The following CDK5RAP1 variants were observed in gnomAD, a reference collection of about 807,000 sequenced individuals.
The protein encoded by CDK5RAP1 is mitochondrial tRNA methylthiotransferase CDK5RAP1.
CDK5RAP1 carries 62 observed loss-of-function variants against 64.5 expected under a neutral mutation model. That is an observed-to-expected ratio of 0.96 (90% CI 0.78 to 1.19). The LOEUF (loss-of-function observed/expected upper bound fraction) is 1.19. Among genes scored for constraint, CDK5RAP1 ranks in the 50% most tolerant of loss-of-function variants. The probability of loss-of-function intolerance (pLI) is 0.00; values close to 1 mark genes in which losing one functional copy is unlikely to be tolerated. For synonymous variants in CDK5RAP1, 250 were observed against 261.9 expected (o/e 0.95, Z 0.44); for missense variants, 657 against 735.0 (o/e 0.89, Z 1.23).
In CDK5RAP1 at chr20:33,359,007, G is replaced by A. The variant is rs1238663411; in HGVS notation, c.*36C>T. On this transcript the variant is annotated 3_prime_UTR_variant, in exon 14 of 14. Transcript: ENST00000346416. ...AATGTCTCCCCTTCCTGTTGGGGAGGATTGCCCAAGTCAGCTCTGAGGCCA... is the reference window on the plus strand; with the variant it reads ...AATGTCTCCCCTTCCTGTTGGGGAGAATTGCCCAAGTCAGCTCTGAGGCCA... 4.1e-6 allele frequency: 6 copies of A among 1,461,472 alleles called. No homozygotes were observed. The highest frequency in any genetic ancestry group is 4.8e-6 in the Non-Finnish European group (5 of 1,043,598). The allele number at this position is 1,461,472 out of a possible 1,614,324, so 90.5% of individuals were successfully genotyped here.
chr20:33,383,994 C>A (rs756836661), intron 7 of CDK5RAP1, among the ~76,000 whole-genome samples: 4 of 152,106 alleles, frequency 2.6e-5, no homozygotes, highest in Non-Finnish European at 4.4e-5. Context: ...ACTATTCCCT[C>A]TTTTCAGTAT....
At chr20:33,377,409 T>A in intron 8 of CDK5RAP1, among the ~76,000 whole-genome samples, 1 of 152,178 alleles carries the variant, frequency 6.6e-6, no homozygotes, top group East Asian at 1.9e-4. Context: ...CCCCTTGCAC[T>A]TTGATGTTAG....
chr20:33,388,593 T>C lies in CDK5RAP1; in HGVS notation c.545-1060A>G, dbSNP rs370768663. Among the ~76,000 whole-genome samples, 3 of 113,598 alleles carry C rather than the reference T, an allele frequency of 2.6e-5. No individual in the cohort carries two copies. The East Asian group carries it at 9.6e-4, about 36-fold the overall frequency. 74.5% of individuals were successfully genotyped at this position (113,598 alleles called of 152,430 possible). On this transcript the variant is annotated intron_variant, in intron 5 of 13. Coordinates refer to ENST00000346416, the MANE Select transcript of CDK5RAP1 (RefSeq NM_016408.4). ...CTCTCCCCCTCTCCCTCTCTCCTTCTCCCTCTCCCCACAGTCTCCGTCTCC... is the reference window on the plus strand; with the variant it reads ...CTCTCCCCCTCTCCCTCTCTCCTTCCCCCTCTCCCCACAGTCTCCGTCTCC...
intron 7 of CDK5RAP1, among the ~76,000 whole-genome samples, chr20:33,385,025 C>A (rs544028635): frequency 6.6e-6 from 1 of 152,308 alleles, no homozygotes; most frequent in East Asian, 1.9e-4. Context: ...ATATTCCCAC[C>A]TATTGTCCTC....
At chr20:33,385,925 AG>A (rs1987374116) in intron 6 of CDK5RAP1, among the ~76,000 whole-genome samples, 155 bp from the exon 7 acceptor site, 1 of 152,234 alleles carries the variant, frequency 6.6e-6, no homozygotes. Flanking sequence ...GCACTAAAGT[AG>A]ACCTTTTTTA....
Position 33,401,410 on chromosome 20 carries a change from G to A in CDK5RAP1, c.-21+18C>T. 1 of 985,454 alleles carries A rather than the reference G, an allele frequency of 1.0e-6. No individual in the cohort carries two copies. The highest frequency in any genetic ancestry group is 4.7e-5 in the South Asian group (1 of 21,282). The allele number at this position is 985,454 out of a possible 1,614,324, so 61.0% of individuals were successfully genotyped here. On this transcript the variant is annotated intron_variant, in intron 1 of 13. Coordinates refer to ENST00000346416, the MANE Select transcript of CDK5RAP1 (RefSeq NM_016408.4). ...CAAAAGCGGGTGCGCAGCCCACCCC[G>A]GCGGCCGCGCTGCTCACCTCCCGCA...
chr20:33,372,391 T>C (rs181715205), intron 10 of CDK5RAP1, among the ~76,000 whole-genome samples: 14 of 151,752 alleles, frequency 9.2e-5, no homozygotes, highest in Admixed American at 4.6e-4. Flanking sequence ...ACAAAGACCA[T>C]AGAAAAGGAA....
chr20:33,395,417 G>A (rs550655013), intron 2 of CDK5RAP1, among the ~76,000 whole-genome samples: 7 of 152,024 alleles, frequency 4.6e-5, no homozygotes, highest in Non-Finnish European at 8.8e-5. Flanking sequence ...AGACCAGCCA[G>A]GGCAACATAG....
At chr20:33,387,652 A>G (rs1273269492) in intron 5 of CDK5RAP1, 119 bp from the exon 6 acceptor site, 18 of 718,026 alleles carry the variant, frequency 2.5e-5, no homozygotes, top group Non-Finnish European at 4.0e-5. Context: ...AACTTCTCTA[A>G]GAATTGAGTA....
chr20:33,372,740 CTTTT>C lies in CDK5RAP1; in HGVS notation c.1206-47_1206-44del, dbSNP rs777869384. The C allele has an allele frequency of 3.1e-6, 4 of 1,282,372 alleles. No individual in the cohort carries two copies. In the South Asian group the frequency reaches 4.9e-5, roughly 16 times the overall value. 79.4% of individuals were successfully genotyped at this position (1,282,372 alleles called of 1,614,324 possible). A position where few individuals can be genotyped will look rare whatever the true frequency, so the allele number is the denominator to read the frequency against. On this transcript the variant is annotated intron_variant, in intron 9 of 13. Transcript: ENST00000346416. ...AGGAAAAGGCCTACATAAATCCAACCTTTTTAAATGAATGCTATAAAAAGATAAC... is the reference window on the plus strand; with the variant it reads ...AGGAAAAGGCCTACATAAATCCAACCTAAATGAATGCTATAAAAAGATAAC...
Position 33,374,030 on chromosome 20 carries a change from C to T in CDK5RAP1, c.1205+85G>A, listed in dbSNP as rs2146627421. ...CAGCTACTTTGTGCCACACACTATGCTAGGTTCTTGGCAACAAGGACACTG... is the reference window on the plus strand; with the variant it reads ...CAGCTACTTTGTGCCACACACTATGTTAGGTTCTTGGCAACAAGGACACTG... On this transcript the variant is annotated intron_variant, in intron 9 of 13. Transcript: ENST00000346416. 4 of 909,534 alleles carry T rather than the reference C, an allele frequency of 4.4e-6. No individual in the cohort carries two copies. In the East Asian group the frequency reaches 9.6e-5, roughly 22 times the overall value. 56.3% of individuals were successfully genotyped at this position (909,534 alleles called of 1,614,324 possible).
At chr20:33,361,784 C>T (rs887895764) in intron 12 of CDK5RAP1, among the ~76,000 whole-genome samples, 6 of 151,818 alleles carry the variant, frequency 4.0e-5, no homozygotes, top group Admixed American at 6.6e-5. Flanking sequence ...GGCGAAACCC[C>T]GTCTCTACTG....
chr20:33,362,997 C>T (rs1983215291), intron 12 of CDK5RAP1, among the ~76,000 whole-genome samples: 1 of 152,174 alleles, frequency 6.6e-6, no homozygotes, highest in South Asian at 2.1e-4. Flanking sequence ...ACTTTACAGT[C>T]AAGAAGGCTG....
At chr20:33,367,560 T>C (rs2146599069) in intron 11 of CDK5RAP1, among the ~76,000 whole-genome samples, 1 of 152,310 alleles carries the variant, frequency 6.6e-6, no homozygotes, top group African/African-American at 2.4e-5. Context: ...GGCATGCTTA[T>C]AAACACACGA....
In CDK5RAP1 at chr20:33,377,153, C is replaced by T. The variant is rs73267982; in HGVS notation, c.1107+2308G>A. ...GTGTTCAAGACCAGCCTGGGCAATA[C>T]GGCAAGACCCCACCTCTAATTTTTT... On this transcript the variant is annotated intron_variant, in intron 8 of 13. Coordinates refer to ENST00000346416, the MANE Select transcript of CDK5RAP1 (RefSeq NM_016408.4). 4.8e-3 allele frequency among the ~76,000 whole-genome samples: 733 copies of T among 152,226 alleles called. 7 individuals carry two copies. Among genetic ancestry groups the T allele is most frequent in the African/African-American group, 0.014 (586 of 41,528 alleles).
chr20:33,370,404 C>T, intron 11 of CDK5RAP1, 95 bp downstream of exon 11: 1 of 1,330,994 alleles, frequency 7.5e-7, no homozygotes, highest in Non-Finnish European at 1.0e-6. Flanking sequence ...TCAAGGACTG[C>T]CTTGCCGCCA....
intron 11 of CDK5RAP1, among the ~76,000 whole-genome samples, chr20:33,369,265 C>T (rs1249452582): frequency 2.6e-5 from 4 of 152,074 alleles, no homozygotes; most frequent in Non-Finnish European, 5.9e-5. Flanking sequence ...GGGCAGATCA[C>T]GAGGTCAGGA....
chr20:33,361,460 T>C (rs892081895), intron 12 of CDK5RAP1, among the ~76,000 whole-genome samples: 6 of 152,172 alleles, frequency 3.9e-5, no homozygotes, highest in Non-Finnish European at 8.8e-5. Context: ...GAGAGTAACC[T>C]GGGAACTGTC....
At chr20:33,370,944 T>C (rs1053473036) in intron 10 of CDK5RAP1, among the ~76,000 whole-genome samples, 3 of 152,190 alleles carry the variant, frequency 2.0e-5, no homozygotes, top group African/African-American at 4.8e-5. Flanking sequence ...GAAAACCTTG[T>C]GGTGCTTCAT....
Sources: allele counts gnomAD v4.1 joint callset (sites outside exome capture counted in the v4.1 genomes callset), GRCh38; gene constraint gnomAD v4.1.1; transcripts MANE v1.5; gene names NCBI Gene and HGNC (gene_info 2026-07-23, HGNC 2026-07-21).